The following LINC00632 variants were observed in gnomAD, a reference collection of about 807,000 sequenced individuals.
The protein encoded by LINC00632 is long independently transcribed non-coding RNA 632.
At chrX:140,765,332 T>G (rs1931670490) in intron 3 of LINC00632, among the ~76,000 whole-genome samples, 1 of 111,153 alleles carries the variant, frequency 9.0e-6, no homozygotes, top group Non-Finnish European at 1.9e-5. Flanking sequence ...GATTTTGGAG[T>G]AGCCCAAAGC....
At chrX:140,790,222 T>C (rs1932086961) in exon 5 of LINC00632, among the ~76,000 whole-genome samples, 1 of 110,965 alleles carries the variant, frequency 9.0e-6, no homozygotes, top group Non-Finnish European at 1.9e-5. Flanking sequence ...GTACTCTATG[T>C]AGAATTGGCT....
At chrX:140,736,424 T>TTTC (rs138263060) in intron 3 of LINC00632, among the ~76,000 whole-genome samples, 4 of 95,112 alleles carry the variant, frequency 4.2e-5, no homozygotes, top group Non-Finnish European at 6.2e-5. Flanking sequence ...TTCTTTTTCT[T>TTTC]TTCTTCTTCT....
intron 3 of LINC00632, among the ~76,000 whole-genome samples, chrX:140,734,757 ATCT>A (rs777648697): frequency 2.2e-5 from 2 of 90,591 alleles, no homozygotes; most frequent in African/African-American, 9.1e-5. Context: ...TTGGAAATAC[ATCT>A]TTTTTTTTTT....
chrX:140,787,008 T>C (rs182889480), exon 5 of LINC00632, among the ~76,000 whole-genome samples: 122 of 111,748 alleles, frequency 1.1e-3, no homozygotes, highest in African/African-American at 3.9e-3. Flanking sequence ...GGTTGCATTA[T>C]GTATGATTTT....
intron 2 of LINC00632, among the ~76,000 whole-genome samples, chrX:140,720,065 C>G (rs185949247): frequency 2.5e-4 from 26 of 102,143 alleles, no homozygotes; most frequent in Non-Finnish European, 2.4e-4. Context: ...CCAGCCTGGG[C>G]GACAGAGCAA....
chrX:140,783,678 G>A (rs922555712), exon 5 of LINC00632: 17 of 1,211,100 alleles, frequency 1.4e-5, no homozygotes, highest in Non-Finnish European at 1.9e-5. Context: ...GTCAGTCAGT[G>A]TCTTCCAGAA....
intron 2 of LINC00632, chrX:140,711,735 T>C (rs1930519157): frequency 5.7e-6 from 1 of 176,865 alleles, no homozygotes; most frequent in Non-Finnish European, 1.2e-5. Context: ...AACATTATTT[T>C]CCAGCCATTG....
intron 3 of LINC00632, among the ~76,000 whole-genome samples, chrX:140,762,401 T>C (rs1931615987): frequency 8.9e-6 from 1 of 112,201 alleles, no homozygotes; most frequent in South Asian, 3.7e-4. Flanking sequence ...ACAGCCTGTA[T>C]CCCATCGGTT....
intron 3 of LINC00632, among the ~76,000 whole-genome samples, chrX:140,743,011 G>T (rs892039123): frequency 2.8e-5 from 3 of 108,814 alleles, no homozygotes; most frequent in Non-Finnish European, 5.7e-5. Flanking sequence ...GATCATCAGA[G>T]ATCAGGAGTT....
At chrX:140,725,236 CAT>C (rs1284352660) in intron 2 of LINC00632, among the ~76,000 whole-genome samples, 1 of 95,865 alleles carries the variant, frequency 1.0e-5, no homozygotes, top group African/African-American at 3.8e-5. Flanking sequence ...ACACACATTC[CAT>C]ACACACACAC....
chrX:140,734,620 A>C (rs1045276463), intron 3 of LINC00632, among the ~76,000 whole-genome samples: 3 of 110,959 alleles, frequency 2.7e-5, no homozygotes, highest in Non-Finnish European at 5.6e-5. Flanking sequence ...ATTGAAAAAA[A>C]ATTTCTGTGA....
Position 140,710,183 on chromosome X carries a change from C to T in LINC00632, n.68+378C>T, listed in dbSNP as rs137985803. ...GGTTATGATTCAAGATGTTCTCAAA[C>T]CTGGTTTATTTTCTCAGTGCTGGGA... On this transcript the variant is annotated intron_variant and non_coding_transcript_variant, in intron 1 of 4. Transcript: ENST00000648200. 2.5e-3 allele frequency among the ~76,000 whole-genome samples: 280 copies of T among 112,280 alleles called. 3 individuals are homozygous for T. Among genetic ancestry groups the T allele is most frequent in the African/African-American group, 8.7e-3 (269 of 30,973 alleles).
exon 5 of LINC00632, among the ~76,000 whole-genome samples, chrX:140,776,889 C>T (rs1931878960): frequency 9.0e-6 from 1 of 110,960 alleles, no homozygotes; most frequent in Non-Finnish European, 1.9e-5. Context: ...GGAACCAACC[C>T]GAATGCCCAT....
intron 2 of LINC00632, among the ~76,000 whole-genome samples, chrX:140,732,147 T>C (rs1053272971): frequency 9.9e-5 from 11 of 110,741 alleles, no homozygotes; most frequent in Admixed American, 7.7e-4. Flanking sequence ...GAGGTTGCAG[T>C]GAGCCGAGAT....
At chrX:140,715,741 C>A (rs1303235477) in intron 2 of LINC00632, among the ~76,000 whole-genome samples, 1 of 111,993 alleles carries the variant, frequency 8.9e-6, no homozygotes, top group Non-Finnish European at 1.9e-5. Flanking sequence ...GCACATAGAC[C>A]GTTTTCACTG....
At chrX:140,739,308 C>T (rs1334285355) in intron 3 of LINC00632, among the ~76,000 whole-genome samples, 1 of 110,598 alleles carries the variant, frequency 9.0e-6, no homozygotes, top group African/African-American at 3.3e-5. Context: ...CAACTTCCGC[C>T]TCCCGGGTTC....
At chrX:140,732,677 C>T (rs1053345105) in intron 2 of LINC00632, among the ~76,000 whole-genome samples, 1 of 111,612 alleles carries the variant, frequency 9.0e-6, no homozygotes, top group African/African-American at 3.3e-5. Flanking sequence ...TTTACACACG[C>T]ACAGACATTA....
At chrX:140,773,684 T>C (rs146535292) in exon 4 of LINC00632, among the ~76,000 whole-genome samples, 1,492 of 112,074 alleles carry the variant, frequency 0.013, 25 homozygotes, top group African/African-American at 0.046. Context: ...CTTCACAGTG[T>C]TGTGATTCTG....
chrX:140,787,722 A>C (rs1387575213), exon 5 of LINC00632, among the ~76,000 whole-genome samples: 1 of 111,455 alleles, frequency 9.0e-6, no homozygotes, highest in African/African-American at 3.2e-5. Flanking sequence ...TGGTCATTTA[A>C]ATTTATATCA....
Sources: allele counts gnomAD v4.1 joint callset (sites outside exome capture counted in the v4.1 genomes callset), GRCh38; gene constraint gnomAD v4.1.1; transcripts MANE v1.5; gene names NCBI Gene and HGNC (gene_info 2026-07-23, HGNC 2026-07-21).